Variants in UTRN observed in about 807,000 individuals in gnomAD.
The protein encoded by UTRN is dystrophin-related protein 1.
A neutral mutation model predicts 463.9 loss-of-function variants in UTRN; 283 were observed. The ratio of observed to expected loss-of-function variants is 0.61; its 90% confidence interval spans 0.55 to 0.67. The LOEUF (loss-of-function observed/expected upper bound fraction) is 0.67, where lower values mean the gene tolerates loss of function less well. Ranked by LOEUF, UTRN falls within the 30% of genes least tolerant of loss-of-function variation. UTRN has a pLI of 0.00. For missense variants in UTRN, 3,922 were observed against 4,084.3 expected (o/e 0.96, Z 1.08); for synonymous variants, 1,442 against 1,431.5 (o/e 1.01, Z -0.17).
intron 51 of UTRN, among the ~76,000 whole-genome samples, chr6:144,642,536 C>T (rs191783220): frequency 2.6e-5 from 4 of 152,290 alleles, no homozygotes; most frequent in African/African-American, 9.6e-5. Flanking sequence ...CTGTTTTGTA[C>T]TAGTGACAGG....
chr6:144,783,491 T>C (rs1167811791), intron 61 of UTRN, among the ~76,000 whole-genome samples: 1 of 152,200 alleles, frequency 6.6e-6, no homozygotes, highest in Non-Finnish European at 1.5e-5. Flanking sequence ...CACAGTGATA[T>C]TTCAATACAT....
In UTRN at chr6:144,424,018, T is replaced by G. The variant is rs1785084303; in HGVS notation, c.345T>G (p.Ile115Met). 2.5e-6 allele frequency: 4 copies of G among 1,614,222 alleles called. No individual in the cohort carries two copies. The highest frequency in any genetic ancestry group is 1.7e-4 in the Middle Eastern group (1 of 6,060). Reference protein sequence around the residue: ...VELVNIGGTDIVDGNHKLTLG... With the variant: ...VELVNIGGTDMVDGNHKLTLG... ...TAGTGAATATAGGGGGAACTGACAT[T>G]GTGGATGGAAATCACAAACTGACTT... The change falls in exon 6 of 75, where the codon ATT becomes ATG. Residue 115 changes from isoleucine (I) to methionine (M), a missense_variant. This residue lies in a region of UTRN where 264 missense variants were observed against 327.9 expected (regional missense o/e 0.81). Coordinates refer to ENST00000367545, the MANE Select transcript of UTRN (RefSeq NM_007124.3).
intron 19 of UTRN, among the ~76,000 whole-genome samples, chr6:144,456,939 G>T (rs904575117): frequency 1.3e-5 from 2 of 152,100 alleles, no homozygotes; most frequent in Non-Finnish European, 2.9e-5. Flanking sequence ...AGACTGAGAA[G>T]TGTAAAGTCA....
chr6:144,349,057 T>A (rs1308262887), intron 2 of UTRN, among the ~76,000 whole-genome samples: 1 of 152,110 alleles, frequency 6.6e-6, no homozygotes, highest in Non-Finnish European at 1.5e-5. Context: ...TCGCCCAGGC[T>A]GGAGCGCGTG....
chr6:144,333,264 A>T (rs907645565), intron 2 of UTRN: 2 of 152,090 alleles, frequency 1.3e-5, no homozygotes, highest in Non-Finnish European at 2.9e-5. Flanking sequence ...TTAATTCAAT[A>T]CAGTCTTCCC....
chr6:144,553,980 A>G (rs948554602), intron 48 of UTRN, among the ~76,000 whole-genome samples: 2 of 152,002 alleles, frequency 1.3e-5, no homozygotes, highest in Non-Finnish European at 2.9e-5. Flanking sequence ...AAAAATAGAG[A>G]AAGGAGAAGA....
intron 71 of UTRN, among the ~76,000 whole-genome samples, chr6:144,838,781 T>C (rs7754727): frequency 0.18 from 27,162 of 152,162 alleles, 3,290 homozygotes; most frequent in African/African-American, 0.34. Flanking sequence ...ATGCTTCTAA[T>C]CACTCTCTCA....
intron 51 of UTRN, among the ~76,000 whole-genome samples, chr6:144,676,688 A>G (rs754811321): frequency 2.0e-5 from 3 of 151,920 alleles, no homozygotes; most frequent in Admixed American, 1.3e-4. Flanking sequence ...CCCTCACCCC[A>G]CAACAGGCCC....
At position 144,444,270 on chromosome 6, in the gene UTRN, C is replaced by T. The variant is rs76314775; in HGVS notation, c.1513-11C>T. ...GCTGTGTTGACAAAGGATGGTTTCTCCTTTTTCTAGAAACTTGGTGAGCGC... is the reference window on the plus strand; with the variant it reads ...GCTGTGTTGACAAAGGATGGTTTCTTCTTTTTCTAGAAACTTGGTGAGCGC... On this transcript the variant is annotated splice_polypyrimidine_tract_variant and intron_variant, in intron 13 of 74. Transcript: ENST00000367545. The T allele has an allele frequency of 2.4e-3, 3,925 of 1,605,678 alleles. 143 individuals carry two copies. The East Asian group carries it at 0.081, about 33-fold the overall frequency.
chr6:144,748,152 G>A (rs933466751), intron 54 of UTRN, 94 bp from the exon 55 acceptor site: 11 of 1,436,204 alleles, frequency 7.7e-6, no homozygotes, highest in South Asian at 5.9e-5. Flanking sequence ...CTTTTTCTCC[G>A]TATTTCTCAG....
At chr6:144,800,036 A>G (rs941405651) in intron 64 of UTRN, among the ~76,000 whole-genome samples, 3 of 152,246 alleles carry the variant, frequency 2.0e-5, no homozygotes, top group Non-Finnish European at 4.4e-5. Flanking sequence ...GGAAAGATCC[A>G]GATTAATTGA....
At chr6:144,361,850 C>T (rs550465990) in intron 2 of UTRN, among the ~76,000 whole-genome samples, 5 of 150,826 alleles carry the variant, frequency 3.3e-5, no homozygotes, top group African/African-American at 7.4e-5. Context: ...AAGTGATCCT[C>T]CTACTTTGGT....
In UTRN at chr6:144,533,163, C is replaced by G. The variant is rs370806966; in HGVS notation, c.6136C>G (p.Leu2046Val). Residue 2046 changes from leucine (L) to valine (V), a missense_variant, in exon 43 of 75, where the codon CTC becomes GTC. Transcript: ENST00000367545. Reference protein sequence around the residue: ...NRTGDGIVQKLSQADGSFLKE... With the variant: ...NRTGDGIVQKVSQADGSFLKE... ...AACTGGGGATGGGATTGTGCAGAAA[C>G]TCTCCCAGGCAGATGGAAGCTTCTT... 1 of 1,614,158 alleles carries G rather than the reference C, an allele frequency of 6.2e-7. No homozygotes were observed. The highest frequency in any genetic ancestry group is 1.1e-5 in the South Asian group (1 of 91,086).
chr6:144,755,081 T>A (rs1449726027), intron 57 of UTRN, among the ~76,000 whole-genome samples: 1 of 152,166 alleles, frequency 6.6e-6, no homozygotes, highest in Non-Finnish European at 1.5e-5. Flanking sequence ...ATCATTGCTT[T>A]GTCATAGGCA....
At chr6:144,439,642 G>C (rs1369936285) in intron 12 of UTRN, among the ~76,000 whole-genome samples, 1 of 152,088 alleles carries the variant, frequency 6.6e-6, no homozygotes, top group African/African-American at 2.4e-5. Flanking sequence ...ACAGGCGTGT[G>C]CCACCACACC....
At chr6:144,295,730 G>A (rs867857294) in intron 2 of UTRN, among the ~76,000 whole-genome samples, 1 of 152,168 alleles carries the variant, frequency 6.6e-6, no homozygotes, top group East Asian at 1.9e-4. Context: ...TGATGATGAC[G>A]ATTCTAGCAA....
At chr6:144,719,456 A>T (rs1786863923) in intron 53 of UTRN, among the ~76,000 whole-genome samples, 1 of 152,152 alleles carries the variant, frequency 6.6e-6, no homozygotes, top group Admixed American at 6.5e-5. Flanking sequence ...ACCTGCCTGT[A>T]ATCCCAGCTA....
chr6:144,451,112 G>T (rs1028592514), intron 17 of UTRN, among the ~76,000 whole-genome samples: 2 of 149,492 alleles, frequency 1.3e-5, no homozygotes, highest in African/African-American at 5.1e-5. Context: ...ACTCCATCTC[G>T]AAACAACAAC....
At chr6:144,815,582 G>A (rs953442526) in intron 65 of UTRN, among the ~76,000 whole-genome samples, 1 of 152,212 alleles carries the variant, frequency 6.6e-6, no homozygotes, top group Non-Finnish European at 1.5e-5. Context: ...TCCAAAAGTT[G>A]AAGAACTTGG....
Sources: gnomAD v4.1 joint callset for allele counts (sites outside exome capture counted in the v4.1 genomes callset) on GRCh38, gnomAD v4.1.1 for gene constraint, gnomAD v4.1.1 regional missense constraint, MANE v1.5 for transcripts, NCBI Gene and HGNC (gene_info 2026-07-23, HGNC 2026-07-21) for gene names.